SEPTIN8: variants seen among roughly 807,000 people sequenced by gnomAD.
SEPTIN8 encodes the protein septin 8, also known as septin-8.
SEPTIN8 carries 22 observed loss-of-function variants against 53.1 expected under a neutral mutation model. The observed-to-expected ratio is 0.41, with a 90% confidence interval of 0.30 to 0.59. The LOEUF is 0.59. Ranked by LOEUF, SEPTIN8 falls within the 20% of genes least tolerant of loss-of-function variation. The pLI is 0.24. For missense variants in SEPTIN8, 536 were observed against 638.7 expected (o/e 0.84, Z 1.73); for synonymous variants, 228 against 248.4 (o/e 0.92, Z 0.77).
intron 9 of SEPTIN8, chr5:132,754,167 C>T (rs573398186): frequency 2.2e-6 from 1 of 460,710 alleles, no homozygotes; most frequent in East Asian, 3.5e-5. Context: ...TGCTTCCGAT[C>T]CTGTATGAGT....
chr5:132,770,135 GTATGTGTGTGTATA>G (rs1561769093), intron 1 of SEPTIN8, among the ~76,000 whole-genome samples: 1,261 of 93,534 alleles, frequency 0.013, 25 homozygotes, highest in African/African-American at 0.075. Context: ...GTATATATGT[GTATGTGTGTGTATA>G]TATATATATA....
In SEPTIN8 at chr5:132,773,308, C is replaced by G. The variant is rs1757492012; in HGVS notation, c.30+3800G>C. The stretch of plus-strand genomic sequence containing the variant: ...GATCCTGAAACCCAAGCTGGCAGCA[C>G]AGAGGCAGGAAGGCTGGGGAGGCTG... On this transcript the variant is annotated intron_variant, in intron 1 of 9. Transcript: ENST00000378719. The surrounding 1 kb of genome is among the most constrained non-coding windows in gnomAD (Gnocchi z 4.2). 6.6e-6 allele frequency among the ~76,000 whole-genome samples: 1 copy of G among 152,190 alleles called. No individual in the cohort carries two copies. Among genetic ancestry groups the G allele is most frequent in the South Asian group, 2.1e-4 (1 of 4,832 alleles).
At chr5:132,756,603 G>T in intron 9 of SEPTIN8, 1 of 985,408 alleles carries the variant, frequency 1.0e-6, no homozygotes, top group Non-Finnish European at 1.2e-6. Context: ...GTTTAATTTG[G>T]TCTCAGCTAA....
chr5:132,768,145 C>T (rs985505171), intron 1 of SEPTIN8, among the ~76,000 whole-genome samples: 6 of 152,090 alleles, frequency 3.9e-5, no homozygotes, highest in Non-Finnish European at 8.8e-5. Flanking sequence ...TGCAGAGTGG[C>T]CTCCTCTCAC....
At position 132,773,147 on chromosome 5, in the gene SEPTIN8, G is replaced by A. The variant is rs1219646206; in HGVS notation, c.30+3961C>T. Among the ~76,000 whole-genome samples the A allele has an allele frequency of 6.6e-6, 1 of 152,134 alleles. No individual in the cohort carries two copies. The highest frequency in any genetic ancestry group is 2.4e-5 in the African/African-American group (1 of 41,364). On this transcript the variant is annotated intron_variant, in intron 1 of 9. Transcript: ENST00000378719. The surrounding 1 kb of genome is among the most constrained non-coding windows in gnomAD (Gnocchi z 4.2). ...GATGGCTCCAAAAGAAGCCAACAGA[G>A]TGCCCCAGCTCTACCACAAGGGCAT... is the stretch of plus-strand genomic sequence containing the variant.
At chr5:132,752,814 C>T in intron 9 of SEPTIN8, 1 of 1,524,986 alleles carries the variant, frequency 6.6e-7, no homozygotes, top group Non-Finnish European at 9.1e-7. Flanking sequence ...TTGCCAATTT[C>T]TTAGAATGTA....
rs1756366932 is a variant in SEPTIN8, at chr5:132,764,424, G to A, written c.152-5C>T. 6.2e-7 allele frequency: 1 copy of A among 1,610,500 alleles called. No homozygotes were observed. Among genetic ancestry groups the A allele is most frequent in the South Asian group, 1.1e-5 (1 of 90,476 alleles). On this transcript the variant is annotated splice_polypyrimidine_tract_variant and splice_region_variant and intron_variant, in intron 2 of 9. Coordinates refer to ENST00000378719, the MANE Select transcript of SEPTIN8 (RefSeq NM_001098811.2). ...ATTTGCCAATGCCGGTCTCCCCTGG[G>A]CAGTGAGGACAGGAGGGGAAGAAGT...
At chr5:132,779,770 C>G (rs1476347790), upstream of SEPTIN8, among the ~76,000 whole-genome samples, 1 of 152,088 alleles carries the variant, frequency 6.6e-6, no homozygotes, top group African/African-American at 2.4e-5. Context: ...TTTTTTAACT[C>G]CTTCACATCT....
chr5:132,775,671 T>C (rs548568793), intron 1 of SEPTIN8: 2 of 152,336 alleles, frequency 1.3e-5, no homozygotes, highest in South Asian at 4.2e-4. Context: ...CAGACATAAC[T>C]TTCTGGTCAG....
In SEPTIN8 at chr5:132,762,611, G is replaced by T. The variant is rs1419564026; in HGVS notation, c.569C>A (p.Thr190Asn). The T allele has an allele frequency of 6.2e-7, 1 of 1,614,134 alleles. No individual in the cohort carries two copies. The highest frequency in any genetic ancestry group is 1.7e-5 in the Admixed American group (1 of 60,010). ...NIIPIIAKADTISKSELHKFK... is the reference protein window; with the variant it reads ...NIIPIIAKADNISKSELHKFK... ...CTTGTGGAGCTCGCTCTTGGAGATGGTGTCAGCCTTGGCGATGATGGGAAT... is the reference window on the plus strand; with the variant it reads ...CTTGTGGAGCTCGCTCTTGGAGATGTTGTCAGCCTTGGCGATGATGGGAAT... Residue 190 changes from threonine (T) to asparagine (N), a missense_variant, in exon 5 of 10, where the codon ACC (threonine) becomes AAC (asparagine). Coordinates refer to ENST00000378719, the MANE Select transcript of SEPTIN8 (RefSeq NM_001098811.2).
intron 1 of SEPTIN8, among the ~76,000 whole-genome samples, chr5:132,774,554 C>T (rs1757616934): frequency 6.6e-6 from 1 of 152,198 alleles, no homozygotes; most frequent in Admixed American, 6.5e-5. Flanking sequence ...AACCCTTACC[C>T]CAATACTGAT....
intron 9 of SEPTIN8, chr5:132,753,185 A>G (rs946324983): frequency 1.1e-5 from 6 of 552,104 alleles, no homozygotes; most frequent in African/African-American, 7.5e-5. Flanking sequence ...GTGGTCTGAT[A>G]GACTATGACC....
intron 4 of SEPTIN8, among the ~76,000 whole-genome samples, chr5:132,763,192 C>G (rs1581162867): frequency 6.6e-6 from 1 of 152,200 alleles, no homozygotes; most frequent in African/African-American, 2.4e-5. Context: ...TCCCATGAAG[C>G]TGCCTCCCTT....
In SEPTIN8 at chr5:132,761,551, T is replaced by A. The variant is rs757514871; in HGVS notation, c.869A>T (p.Glu290Val). Residue 290 changes from glutamate (E) to valine (V), a missense_variant, in exon 7 of 10, where the codon GAG (glutamate) becomes GTG (valine). This residue lies in a region of SEPTIN8 where 395 missense variants were observed against 451.8 expected (regional missense o/e 0.87). Coordinates refer to ENST00000378719, the MANE Select transcript of SEPTIN8 (RefSeq NM_001098811.2). The surrounding 1 kb of genome is among the most constrained non-coding windows in gnomAD (Gnocchi z 5.8). The stretch of plus-strand genomic sequence containing the variant: ...CTCGTAGTGCCGGCTGTGGGTCTGC[T>A]CGCGGAGGTCTTCCATGTTCACCCG... ...LIRVNMEDLREQTHSRHYELY... is the reference protein window; with the variant it reads ...LIRVNMEDLRVQTHSRHYELY... The A allele has an allele frequency of 1.2e-6, 2 of 1,613,914 alleles. No individual in the cohort carries two copies. The highest frequency in any genetic ancestry group is 1.7e-6 in the Non-Finnish European group (2 of 1,179,994).
intron 9 of SEPTIN8, chr5:132,753,309 C>A: frequency 3.7e-6 from 1 of 272,490 alleles, no homozygotes; most frequent in Non-Finnish European, 7.2e-6. Flanking sequence ...CCCCTGGGAG[C>A]GCTGGAATAT....
intron 9 of SEPTIN8, chr5:132,758,163 T>C: frequency 9.5e-7 from 1 of 1,053,120 alleles, no homozygotes; most frequent in Non-Finnish European, 1.1e-6. Context: ...GGAAGTTTAT[T>C]ACCCACCTCT....
intron 9 of SEPTIN8, chr5:132,758,686 TA>T (rs1292275615): frequency 6.3e-7 from 1 of 1,599,330 alleles, no homozygotes; most frequent in Non-Finnish European, 8.5e-7. Context: ...AGCAAGGCTG[TA>T]AACACTGGAG....
In SEPTIN8 at chr5:132,760,708, G is replaced by A. The variant is rs757921838; in HGVS notation, c.1286+94C>T. ...AAACAGGAAAGGGGTAAGAGAGGGC[G>A]AGCAGGAGAGCGAGAAGGGAGGTGA... On this transcript the variant is annotated intron_variant, in intron 9 of 9. Transcript: ENST00000378719. The surrounding 1 kb of genome is among the most constrained non-coding windows in gnomAD (Gnocchi z 5.2). The A allele has an allele frequency of 4.1e-5, 49 of 1,196,664 alleles. No individual in the cohort carries two copies. Among genetic ancestry groups the A allele is most frequent in the Non-Finnish European group, 3.8e-5 (32 of 843,580 alleles). The allele number at this position is 1,196,664 out of a possible 1,614,324, so 74.1% of individuals were successfully genotyped here. A position where few individuals can be genotyped will look rare whatever the true frequency, so the allele number is the denominator to read the frequency against.
chr5:132,753,154 C>G (rs958847555), intron 9 of SEPTIN8: 3 of 608,040 alleles, frequency 4.9e-6, no homozygotes, highest in Non-Finnish European at 8.8e-6. Flanking sequence ...GAAAGGCAGG[C>G]TGAGGTCAGT....
Sources: gnomAD v4.1 joint callset for allele counts (sites outside exome capture counted in the v4.1 genomes callset) on GRCh38, gnomAD v4.1.1 for gene constraint, gnomAD v4.1.1 regional missense constraint, Gnocchi (gnomAD v3.1) non-coding constraint, MANE v1.5 for transcripts, NCBI Gene and HGNC (gene_info 2026-07-23, HGNC 2026-07-21) for gene names.